Variants in KCNQ3 observed in about 807,000 individuals in gnomAD.
The protein encoded by KCNQ3 is potassium voltage-gated channel subfamily Q member 3.
A neutral mutation model predicts 92.5 loss-of-function variants in KCNQ3; 30 were observed. The observed-to-expected ratio is 0.32, with a 90% confidence interval of 0.24 to 0.44. The LOEUF (loss-of-function observed/expected upper bound fraction) is 0.44. Among genes scored for constraint, KCNQ3 ranks in the 20% least tolerant of loss-of-function variants. The probability of loss-of-function intolerance (pLI) is 1.00; values close to 1 mark genes in which losing one functional copy is unlikely to be tolerated. For missense variants in KCNQ3, 913 were observed against 1,140.3 expected (o/e 0.80, Z 2.87); for synonymous variants, 450 against 468.8 (o/e 0.96, Z 0.52).
intron 1 of KCNQ3, among the ~76,000 whole-genome samples, chr8:132,378,111 T>G (rs57122253): frequency 0.026 from 3,989 of 152,266 alleles, 188 homozygotes; most frequent in African/African-American, 0.092. Context: ...TCAGACAATA[T>G]GGCCGGGCAT....
At chr8:132,385,744 G>A (rs1276225022) in intron 1 of KCNQ3, among the ~76,000 whole-genome samples, 1 of 152,008 alleles carries the variant, frequency 6.6e-6, no homozygotes, top group Non-Finnish European at 1.5e-5. Context: ...TTTGTGTATG[G>A]GTACAAAGTT....
chr8:132,470,262 T>C (rs1822268250), intron 1 of KCNQ3, among the ~76,000 whole-genome samples: 1 of 152,196 alleles, frequency 6.6e-6, no homozygotes, highest in Non-Finnish European at 1.5e-5. Context: ...TGGACTCACG[T>C]GTATGCTTTG....
chr8:132,383,871 G>T (rs1455388786), intron 1 of KCNQ3, among the ~76,000 whole-genome samples: 1 of 152,156 alleles, frequency 6.6e-6, no homozygotes, highest in African/African-American at 2.4e-5. Context: ...TGTAACTTTG[G>T]CAAGGCAGGT....
intron 1 of KCNQ3, among the ~76,000 whole-genome samples, chr8:132,218,578 A>G (rs888854783): frequency 1.3e-5 from 2 of 152,242 alleles, no homozygotes; most frequent in African/African-American, 4.8e-5. Context: ...AAATACCTGG[A>G]AAGTTTTATT....
chr8:132,378,830 T>A (rs1171663617), intron 1 of KCNQ3, among the ~76,000 whole-genome samples: 1 of 152,214 alleles, frequency 6.6e-6, no homozygotes, highest in Non-Finnish European at 1.5e-5. Flanking sequence ...AGCAAAACAC[T>A]TCTAGGCTTG....
chr8:132,276,129 G>A (rs570482927), intron 1 of KCNQ3, among the ~76,000 whole-genome samples: 426 of 152,190 alleles, frequency 2.8e-3, no homozygotes, highest in Non-Finnish European at 5.1e-3. Flanking sequence ...CTGCTGTTTC[G>A]GCAAAGGAGC....
intron 3 of KCNQ3, among the ~76,000 whole-genome samples, chr8:132,181,001 C>T (rs997078096): frequency 6.6e-6 from 1 of 152,090 alleles, no homozygotes; most frequent in Non-Finnish European, 1.5e-5. Context: ...TCAACGCCCC[C>T]ACACATCTGA....
intron 1 of KCNQ3, among the ~76,000 whole-genome samples, chr8:132,414,122 G>A (rs1365698413): frequency 1.3e-5 from 2 of 152,268 alleles, no homozygotes; most frequent in East Asian, 1.9e-4. Flanking sequence ...TACAATACAC[G>A]CTGTTGGGAG....
At chr8:132,300,249 T>C (rs765223492) in intron 1 of KCNQ3, among the ~76,000 whole-genome samples, 1 of 152,118 alleles carries the variant, frequency 6.6e-6, no homozygotes, top group Non-Finnish European at 1.5e-5. Flanking sequence ...TTTTTTTGCA[T>C]TTTCCCTCCT....
chr8:132,460,637 C>T (rs1822040438), intron 1 of KCNQ3, among the ~76,000 whole-genome samples: 1 of 152,188 alleles, frequency 6.6e-6, no homozygotes, highest in South Asian at 2.1e-4. Context: ...CCTTCTCCCT[C>T]CATCACCTTC....
At chr8:132,413,884 A>AC (rs1820721553) in intron 1 of KCNQ3, among the ~76,000 whole-genome samples, 1 of 152,174 alleles carries the variant, frequency 6.6e-6, no homozygotes, top group Non-Finnish European at 1.5e-5. Flanking sequence ...ATCTGTTCTC[A>AC]CCCGCACGCC....
intron 1 of KCNQ3, among the ~76,000 whole-genome samples, chr8:132,412,485 C>T (rs1820677330): frequency 6.6e-6 from 1 of 152,210 alleles, no homozygotes; most frequent in African/African-American, 2.4e-5. Flanking sequence ...TCAGCCAGGA[C>T]CTCAGGGCTC....
At position 132,189,325 on chromosome 8, in the gene KCNQ3, C is replaced by G. The variant is rs144486574; in HGVS notation, c.387-3144G>C. ...GATCCCAGAGCACCCTGATTCACTT[C>G]TACTCCAGCATGGACAACAACCCGT... On this transcript the variant is annotated intron_variant, in intron 1 of 14. Coordinates refer to ENST00000388996, the MANE Select transcript of KCNQ3 (RefSeq NM_004519.4). Among the ~76,000 whole-genome samples, 27 of 152,348 alleles carry G rather than the reference C, an allele frequency of 1.8e-4. No individual in the cohort carries two copies. In the East Asian group the frequency reaches 2.7e-3, roughly 15 times the overall value.
At chr8:132,269,452 C>T (rs183399845) in intron 1 of KCNQ3, among the ~76,000 whole-genome samples, 1 of 152,136 alleles carries the variant, frequency 6.6e-6, no homozygotes, top group Non-Finnish European at 1.5e-5. Flanking sequence ...TGTTTCAGCA[C>T]CATTTGTTGA....
At chr8:132,418,076 G>C (rs1014733396) in intron 1 of KCNQ3, among the ~76,000 whole-genome samples, 1 of 152,152 alleles carries the variant, frequency 6.6e-6, no homozygotes, top group African/African-American at 2.4e-5. Flanking sequence ...TTGGATCAGG[G>C]ACACGACACT....
chr8:132,378,781 A>G (rs1252701200), intron 1 of KCNQ3, among the ~76,000 whole-genome samples: 1 of 152,250 alleles, frequency 6.6e-6, no homozygotes, highest in Non-Finnish European at 1.5e-5. Context: ...GCATGTGGTC[A>G]ATTCTGGGCA....
At chr8:132,366,797 C>A (rs192292565) in intron 1 of KCNQ3, among the ~76,000 whole-genome samples, 2 of 152,234 alleles carry the variant, frequency 1.3e-5, no homozygotes, top group East Asian at 3.9e-4. Context: ...CATACCAGAA[C>A]AAATTCCATT....
At chr8:132,276,961 C>T (rs1285742879) in intron 1 of KCNQ3, among the ~76,000 whole-genome samples, 1 of 152,080 alleles carries the variant, frequency 6.6e-6, no homozygotes, top group African/African-American at 2.4e-5. Flanking sequence ...TCAACTTTCT[C>T]ATCTTCTTGG....
intron 1 of KCNQ3, among the ~76,000 whole-genome samples, chr8:132,243,649 G>C (rs1250332924): frequency 6.6e-6 from 1 of 152,236 alleles, no homozygotes; most frequent in African/African-American, 2.4e-5. Flanking sequence ...CTTGTCCTCA[G>C]ATCCTGATTC....
Sources: allele counts gnomAD v4.1 joint callset (sites outside exome capture counted in the v4.1 genomes callset), GRCh38; gene constraint gnomAD v4.1.1; transcripts MANE v1.5; gene names NCBI Gene and HGNC (gene_info 2026-07-23, HGNC 2026-07-21).